Variants in CPEB1 observed in about 807,000 individuals in gnomAD.
CPEB1 encodes cytoplasmic polyadenylation element-binding protein 1.
A neutral mutation model predicts 65.8 loss-of-function variants in CPEB1; 7 were observed. The ratio of observed to expected loss-of-function variants is 0.11; its 90% CI spans 0.06 to 0.20. The LOEUF (loss-of-function observed/expected upper bound fraction) is 0.20, where lower values mean the gene tolerates loss of function less well. CPEB1 is among the 10% of genes least tolerant of loss of function. The probability of loss-of-function intolerance (pLI) is 1.00; values close to 1 mark genes in which losing one functional copy is unlikely to be tolerated. For synonymous variants in CPEB1, 262 were observed against 260.0 expected (o/e 1.01, Z -0.08); for missense variants, 551 against 712.2 (o/e 0.77, Z 2.58).
chr15:82,547,545 C>A (rs1215081770), intron 10 of CPEB1, among the ~76,000 whole-genome samples: 1 of 152,148 alleles, frequency 6.6e-6, no homozygotes, highest in African/African-American at 2.4e-5. Context: ...CCGCCCGCCT[C>A]AGCCTCCCAA....
intron 3 of CPEB1, among the ~76,000 whole-genome samples, chr15:82,596,151 C>T (rs2042647936): frequency 6.6e-6 from 1 of 152,140 alleles, no homozygotes; most frequent in Admixed American, 6.5e-5. Flanking sequence ...CACAGAATCA[C>T]AATGCTATTC....
chr15:82,545,388 G>A (rs776294630), intron 12 of CPEB1, among the ~76,000 whole-genome samples: 16 of 152,156 alleles, frequency 1.1e-4, no homozygotes, highest in Non-Finnish European at 2.1e-4. Context: ...TGGCATCACT[G>A]CAACAAATTT....
chr15:82,643,129 T>C (rs1238775684), intron 1 of CPEB1, among the ~76,000 whole-genome samples: 1 of 151,988 alleles, frequency 6.6e-6, no homozygotes, highest in East Asian at 1.9e-4. Flanking sequence ...CACCCCCAAA[T>C]CCACAAACAC....
At chr15:82,577,442 C>G (rs2040783579) in intron 3 of CPEB1, among the ~76,000 whole-genome samples, 2 of 152,156 alleles carry the variant, frequency 1.3e-5, no homozygotes, top group Non-Finnish European at 2.9e-5. Flanking sequence ...TAAGTTTTCT[C>G]TATCTTTTAA....
chr15:82,565,635 T>G (rs978492653), intron 4 of CPEB1, among the ~76,000 whole-genome samples: 8 of 152,112 alleles, frequency 5.3e-5, no homozygotes, highest in Non-Finnish European at 1.0e-4. Context: ...ACTTCATAAT[T>G]CCAAATGTCA....
chr15:82,610,958 C>CAAAAAAAAAAA lies in CPEB1; in HGVS notation c.271+16224_271+16234dup, dbSNP rs60065545. 7.3e-4 allele frequency among the ~76,000 whole-genome samples: 22 copies of CAAAAAAAAAAA among 30,020 alleles called. 3 individuals carry two copies. The highest frequency in any genetic ancestry group is 1.2e-3 in the Non-Finnish European group (21 of 17,880). The allele number at this position is 30,020 out of a possible 152,430, so 19.7% of individuals were successfully genotyped here. A position where few individuals can be genotyped will look rare whatever the true frequency, so the allele number is the denominator to read the frequency against. On this transcript the variant is annotated intron_variant, in intron 3 of 12. Transcript: ENST00000684509. ...TGGGGACAGAGTGAGACTCCAGTCT[C>CAAAAAAAAAAA]AAAAAAAAAAAAAAAAAAAAAAAAA...
At chr15:82,636,348 G>C (rs1012298572) in intron 1 of CPEB1, among the ~76,000 whole-genome samples, 3 of 152,124 alleles carry the variant, frequency 2.0e-5, no homozygotes, top group African/African-American at 7.2e-5. Context: ...GATACTTCAA[G>C]TCTATCTTAC....
intron 1 of CPEB1, among the ~76,000 whole-genome samples, chr15:82,646,585 G>C (rs186669679): frequency 6.6e-6 from 1 of 152,148 alleles, no homozygotes; most frequent in Non-Finnish European, 1.5e-5. Flanking sequence ...CAGGGCTGCA[G>C]GGAGCAAAGT....
chr15:82,554,051 T>G (rs945205981), intron 6 of CPEB1, 60 bp from the exon 7 acceptor site: 1 of 1,011,596 alleles, frequency 9.9e-7, no homozygotes, highest in Non-Finnish European at 1.5e-6. Flanking sequence ...AGCCACACTC[T>G]TCCCTGGGGT....
intron 3 of CPEB1, among the ~76,000 whole-genome samples, chr15:82,599,697 T>C (rs2042944583): frequency 6.6e-6 from 1 of 152,080 alleles, no homozygotes; most frequent in African/African-American, 2.4e-5. Context: ...GTTCAAAACA[T>C]ACCCAAGAAG....
chr15:82,600,980 C>G (rs957143832), intron 3 of CPEB1, among the ~76,000 whole-genome samples: 4 of 143,284 alleles, frequency 2.8e-5, no homozygotes, highest in South Asian at 4.5e-4. Flanking sequence ...CCTCCGCTCA[C>G]TGCAACCTCC....
At chr15:82,596,474 G>A (rs540916706) in intron 3 of CPEB1, among the ~76,000 whole-genome samples, 8 of 152,228 alleles carry the variant, frequency 5.3e-5, no homozygotes, top group Admixed American at 3.9e-4. Flanking sequence ...GGGAGACTGA[G>A]GCAGGCAGAT....
At chr15:82,616,786 A>T (rs541373093) in intron 3 of CPEB1, among the ~76,000 whole-genome samples, 1 of 152,318 alleles carries the variant, frequency 6.6e-6, no homozygotes, top group Admixed American at 6.5e-5. Context: ...AAAAAACCCT[A>T]TAAAAGCAAA....
chr15:82,590,283 A>G (rs984416504), intron 3 of CPEB1, among the ~76,000 whole-genome samples: 1 of 151,770 alleles, frequency 6.6e-6, no homozygotes, highest in Admixed American at 6.6e-5. Flanking sequence ...TCTGTAATTC[A>G]AGAAAGTTAA....
chr15:82,565,942 T>C (rs1171229052), intron 4 of CPEB1, among the ~76,000 whole-genome samples: 1 of 152,186 alleles, frequency 6.6e-6, no homozygotes, highest in Non-Finnish European at 1.5e-5. Flanking sequence ...AGGGAAGTCA[T>C]GGGGAGGAGA....
At chr15:82,561,142 G>A (rs894091708) in intron 4 of CPEB1, among the ~76,000 whole-genome samples, 2 of 152,186 alleles carry the variant, frequency 1.3e-5, no homozygotes, top group South Asian at 4.1e-4. Flanking sequence ...GAGCTCTGAG[G>A]ATGGCAAGGT....
Position 82,629,888 on chromosome 15 carries a change from C to T in CPEB1, c.-97-1332G>A, listed in dbSNP as rs142573648. ...TGACCTTAAAGGGACAAACTTGAGC[C>T]TCACGTCAGCCTCAAGTTCTTGAAG... On this transcript the variant is annotated intron_variant, in intron 1 of 12. Transcript: ENST00000684509. 4.2e-3 allele frequency: 4,150 copies of T among 985,402 alleles called. 12 individuals are homozygous for T. The highest frequency in any genetic ancestry group is 5.3e-3 in the Admixed American group (87 of 16,280). 61.0% of individuals were successfully genotyped at this position (985,402 alleles called of 1,614,324 possible). A position where few individuals can be genotyped will look rare whatever the true frequency, so the allele number is the denominator to read the frequency against.
At chr15:82,644,794 CTAAGAA>C (rs890715771) in intron 1 of CPEB1, among the ~76,000 whole-genome samples, 3 of 152,164 alleles carry the variant, frequency 2.0e-5, no homozygotes, top group African/African-American at 7.2e-5. Context: ...ATTTTAAAGA[CTAAGAA>C]TAAAACTAAT....
chr15:82,647,617 A>T (rs1452427185), upstream of CPEB1: 1 of 333,114 alleles, frequency 3.0e-6, no homozygotes, highest in Non-Finnish European at 5.4e-6. Context: ...CCGCCCCCGC[A>T]GGGCTGCGGC....
Sources: allele counts gnomAD v4.1 joint callset (sites outside exome capture counted in the v4.1 genomes callset), GRCh38; gene constraint gnomAD v4.1.1; transcripts MANE v1.5; gene names NCBI Gene and HGNC (gene_info 2026-07-23, HGNC 2026-07-21).